The following SMYD3 variants were observed in gnomAD, a reference collection of about 807,000 sequenced individuals.
SMYD3 encodes the protein SET and MYND domain containing 3.
SMYD3 carries 36 observed loss-of-function variants against 57.7 expected under a neutral mutation model. The observed-to-expected ratio is 0.62, with a 90% confidence interval of 0.48 to 0.82. SMYD3 has a LOEUF of 0.82. Among genes scored for constraint, SMYD3 ranks in the 40% least tolerant of loss-of-function variants. The probability of loss-of-function intolerance (pLI) is 0.00; values close to 1 mark genes in which losing one functional copy is unlikely to be tolerated. For missense variants in SMYD3, 515 were observed against 538.8 expected (o/e 0.96, Z 0.44); for synonymous variants, 211 against 195.0 (o/e 1.08, Z -0.68).
At chr1:246,447,614 T>C (rs933225330) in intron 1 of SMYD3, among the ~76,000 whole-genome samples, 1 of 152,200 alleles carries the variant, frequency 6.6e-6, no homozygotes, top group Non-Finnish European at 1.5e-5. Context: ...TATTTCTTTT[T>C]CAGTCTTATA....
intron 2 of SMYD3, among the ~76,000 whole-genome samples, chr1:246,354,418 G>A (rs866190912): frequency 2.6e-5 from 4 of 152,150 alleles, no homozygotes; most frequent in Middle Eastern, 3.4e-3. Context: ...AATACAATAA[G>A]AATTTATCCT....
At chr1:246,404,493 G>A (rs918711943) in intron 1 of SMYD3, among the ~76,000 whole-genome samples, 2 of 152,152 alleles carry the variant, frequency 1.3e-5, no homozygotes, top group African/African-American at 4.8e-5. Context: ...CAAAAAGACA[G>A]AAGTCCCATC....
chr1:245,771,108 A>G (rs2046317167), intron 10 of SMYD3, among the ~76,000 whole-genome samples: 1 of 151,856 alleles, frequency 6.6e-6, no homozygotes, highest in South Asian at 2.1e-4. Flanking sequence ...ATATACATAC[A>G]TATATACACA....
At chr1:245,806,692 T>G (rs376807932) in intron 10 of SMYD3, among the ~76,000 whole-genome samples, 80 of 150,914 alleles carry the variant, frequency 5.3e-4, no homozygotes, top group Non-Finnish European at 4.0e-4. Flanking sequence ...GGGTGGATCA[T>G]GAGGTCAGGA....
chr1:245,813,004 T>TC (rs1363706408), intron 10 of SMYD3, among the ~76,000 whole-genome samples: 1 of 131,122 alleles, frequency 7.6e-6, no homozygotes, highest in African/African-American at 3.0e-5. Flanking sequence ...TGAGACAGCT[T>TC]CTTTTTTTTT....
intron 5 of SMYD3, among the ~76,000 whole-genome samples, chr1:245,973,252 T>C (rs922678794): frequency 2.0e-5 from 3 of 152,358 alleles, no homozygotes; most frequent in African/African-American, 4.8e-5. Context: ...GCCATCATCA[T>C]TGTTGCTTTT....
intron 5 of SMYD3, among the ~76,000 whole-genome samples, chr1:245,969,177 A>C (rs952402394): frequency 1.3e-5 from 2 of 152,348 alleles, no homozygotes; most frequent in Admixed American, 6.5e-5. Context: ...TTTCTTATTT[A>C]AATTGAGAGC....
intron 1 of SMYD3, among the ~76,000 whole-genome samples, chr1:246,479,042 T>G (rs2068068028): frequency 6.7e-6 from 1 of 148,654 alleles, no homozygotes; most frequent in Admixed American, 6.6e-5. Context: ...AGCTGATACA[T>G]AAGTGCTCAT....
intron 5 of SMYD3, among the ~76,000 whole-genome samples, chr1:246,139,295 A>G (rs759890288): frequency 6.6e-6 from 1 of 152,258 alleles, no homozygotes; most frequent in Non-Finnish European, 1.5e-5. Flanking sequence ...GGAGGCTAAC[A>G]TGAGTATTTC....
chr1:246,151,334 A>G (rs925270892), intron 5 of SMYD3, among the ~76,000 whole-genome samples: 1 of 152,068 alleles, frequency 6.6e-6, no homozygotes, highest in Non-Finnish European at 1.5e-5. Context: ...CAAGCAGGAT[A>G]GATGGACTTC....
chr1:245,947,065 G>A (rs956339362), intron 5 of SMYD3, among the ~76,000 whole-genome samples: 7 of 152,166 alleles, frequency 4.6e-5, no homozygotes, highest in African/African-American at 1.7e-4. Context: ...TGGCCTCCAC[G>A]TACTGTCAGA....
At chr1:246,210,716 A>AT (rs2063072223) in intron 5 of SMYD3, among the ~76,000 whole-genome samples, 1 of 151,804 alleles carries the variant, frequency 6.6e-6, no homozygotes, top group African/African-American at 2.4e-5. Context: ...AAAAAAAAAA[A>AT]CAAAAACAAA....
At chr1:246,183,596 A>C (rs938154643) in intron 5 of SMYD3, among the ~76,000 whole-genome samples, 1 of 152,296 alleles carries the variant, frequency 6.6e-6, no homozygotes, top group South Asian at 2.1e-4. Context: ...CCAAAAAAAA[A>C]AAGTAATTAT....
chr1:246,000,909 T>C (rs1286236455), intron 5 of SMYD3, among the ~76,000 whole-genome samples: 1 of 152,248 alleles, frequency 6.6e-6, no homozygotes, highest in African/African-American at 2.4e-5. Context: ...ATCACATTTC[T>C]ACATTCCACA....
rs576231710 is a variant in SMYD3 at position 246,192,772 on chromosome 1, T to A, written c.531+134429A>T. ...GACTAAATGTATCTCAATCCAACTA[T>A]TAATAAAAAAAGAGTGAACTTGAGA... On this transcript the variant is annotated intron_variant, in intron 5 of 11. Coordinates refer to ENST00000490107, the MANE Select transcript of SMYD3 (RefSeq NM_001167740.2). Among the ~76,000 whole-genome samples the A allele has an allele frequency of 1.5e-4, 23 of 152,182 alleles. 1 individual carries two copies. In the South Asian group the frequency reaches 4.4e-3, roughly 29 times the overall value.
chr1:246,127,743 A>G (rs1053632600), intron 5 of SMYD3, among the ~76,000 whole-genome samples: 1 of 152,040 alleles, frequency 6.6e-6, no homozygotes, highest in Non-Finnish European at 1.5e-5. Flanking sequence ...TAAAAATACA[A>G]AAATTAGCCA....
intron 8 of SMYD3, among the ~76,000 whole-genome samples, chr1:245,877,920 G>A (rs976097045): frequency 4.6e-5 from 7 of 152,166 alleles, no homozygotes; most frequent in African/African-American, 1.4e-4. Context: ...GAAGATATGC[G>A]ACAGAGGAAA....
Position 246,240,650 on chromosome 1 carries a change from C to G in SMYD3, c.531+86551G>C, listed in dbSNP as rs12074603. Among the ~76,000 whole-genome samples the G allele has an allele frequency of 7.3e-3, 1,113 of 152,138 alleles. 15 individuals carry two copies. Among genetic ancestry groups the G allele is most frequent in the African/African-American group, 0.025 (1,023 of 41,498 alleles). ...AAGAAAGTCATTGGTAGCTTGATGG[C>G]AATAGCATTGAATCTACAAATTACC... On this transcript the variant is annotated intron_variant, in intron 5 of 11. Transcript: ENST00000490107.
chr1:246,496,594 G>A (rs930301950), intron 1 of SMYD3, among the ~76,000 whole-genome samples: 7 of 152,122 alleles, frequency 4.6e-5, no homozygotes, highest in African/African-American at 1.4e-4. Flanking sequence ...TTGGGAGGCC[G>A]ATGCAGGTGA....
Sources: allele counts gnomAD v4.1 joint callset (sites outside exome capture counted in the v4.1 genomes callset), GRCh38; gene constraint gnomAD v4.1.1; transcripts MANE v1.5; gene names NCBI Gene and HGNC (gene_info 2026-07-23, HGNC 2026-07-21).